L3MBTL4: variants seen among roughly 807,000 people sequenced by gnomAD.
L3MBTL4 encodes lethal(3)malignant brain tumor-like protein 4.
A neutral mutation model predicts 84.5 loss-of-function variants in L3MBTL4; 70 were observed. That is an observed-to-expected ratio of 0.83 (90% confidence interval 0.68 to 1.01). The LOEUF (loss-of-function observed/expected upper bound fraction) is 1.01, where lower values mean the gene tolerates loss of function less well. L3MBTL4 is among the 50% of genes least tolerant of loss of function. L3MBTL4 has a pLI of 0.00. For missense variants in L3MBTL4, 715 were observed against 754.8 expected, an observed-to-expected ratio of 0.95 and a Z score of 0.62; for synonymous variants, 274 against 259.8, an observed-to-expected ratio of 1.05 and a Z score of -0.52.
chr18:6,164,262 C>A (rs768657373), intron 13 of L3MBTL4, among the ~76,000 whole-genome samples: 3 of 152,220 alleles, frequency 2.0e-5, no homozygotes, highest in Non-Finnish European at 2.9e-5. Context: ...GGGCAGGGCA[C>A]AGACAAACAA....
chr18:6,102,050 T>G (rs558283135), intron 14 of L3MBTL4, among the ~76,000 whole-genome samples: 35 of 152,324 alleles, frequency 2.3e-4, no homozygotes, highest in Non-Finnish European at 2.1e-4. Context: ...CTCCCAACTT[T>G]TATTATAGTT....
At chr18:5,958,406 T>A (rs2095245467) in intron 18 of L3MBTL4, among the ~76,000 whole-genome samples, 1 of 152,168 alleles carries the variant, frequency 6.6e-6, no homozygotes, top group Non-Finnish European at 1.5e-5. Flanking sequence ...TGAGCCTACA[T>A]CCATACCCTG....
chr18:6,347,623 T>A (rs565901424), intron 1 of L3MBTL4, among the ~76,000 whole-genome samples: 2 of 151,614 alleles, frequency 1.3e-5, no homozygotes, highest in African/African-American at 4.8e-5. Context: ...TCATAACTTT[T>A]TAAAAAAAAA....
At chr18:6,033,657 T>C (rs2055956506) in intron 16 of L3MBTL4, among the ~76,000 whole-genome samples, 2 of 152,228 alleles carry the variant, frequency 1.3e-5, no homozygotes, top group Admixed American at 1.3e-4. Flanking sequence ...TAACGTTTAG[T>C]TGAGTTTTTG....
chr18:5,968,513 C>T (rs908554170), intron 17 of L3MBTL4, among the ~76,000 whole-genome samples: 2 of 151,824 alleles, frequency 1.3e-5, no homozygotes, highest in African/African-American at 4.8e-5. Context: ...GCATGGGCAA[C>T]ATAATGAGAC....
intron 5 of L3MBTL4, among the ~76,000 whole-genome samples, chr18:6,261,695 T>C (rs940934281): frequency 5.3e-5 from 8 of 152,184 alleles, no homozygotes; most frequent in Non-Finnish European, 1.0e-4. Context: ...TCTTTTGGTC[T>C]TTTTTTAGTT....
chr18:6,094,955 T>C (rs1016630562), intron 14 of L3MBTL4, among the ~76,000 whole-genome samples: 1 of 152,300 alleles, frequency 6.6e-6, no homozygotes, highest in South Asian at 2.1e-4. Flanking sequence ...ATAATCAGTA[T>C]TGATCTATTG....
chr18:5,960,049 T>TATACCTAC (rs2095255575), intron 18 of L3MBTL4, 45 bp downstream of exon 18: 1 of 328,068 alleles, frequency 3.0e-6, no homozygotes. Flanking sequence ...CACACACATA[T>TATACCTAC]ATATATATAT....
At chr18:6,048,674 A>G (rs1382890965) in intron 16 of L3MBTL4, among the ~76,000 whole-genome samples, 4 of 151,954 alleles carry the variant, frequency 2.6e-5, no homozygotes, top group Admixed American at 2.6e-4. Context: ...CTATAATTCC[A>G]GCTACTAGGG....
Position 6,124,978 on chromosome 18 carries a change from T to C in L3MBTL4, c.1199+13216A>G, listed in dbSNP as rs2059641977. ...GAATTAGGAAAAGAAAAGATAAATA[T>C]TTAGCATTGCCTCTTTCCCAAAAGA... On this transcript the variant is annotated intron_variant, in intron 14 of 18. Coordinates refer to ENST00000317931, the MANE Select transcript of L3MBTL4 (RefSeq NM_001330559.2). Among the ~76,000 whole-genome samples the C allele has an allele frequency of 2.6e-5, 4 of 152,216 alleles. No individual in the cohort carries two copies. The South Asian group carries it at 8.3e-4, about 32-fold the overall frequency.
intron 1 of L3MBTL4, chr18:6,399,845 G>C (rs78888904): frequency 2.0e-5 from 3 of 151,980 alleles, no homozygotes; most frequent in Non-Finnish European, 2.9e-5. Context: ...CTGAGTTTTT[G>C]ATTACCTGAA....
intron 12 of L3MBTL4, among the ~76,000 whole-genome samples, chr18:6,209,400 T>A (rs2046004578): frequency 6.8e-6 from 1 of 146,394 alleles, no homozygotes; most frequent in South Asian, 2.2e-4. Context: ...ATAATGATAA[T>A]CCTGATTTCT....
At chr18:6,232,775 A>G (rs961393586) in intron 10 of L3MBTL4, among the ~76,000 whole-genome samples, 1 of 152,066 alleles carries the variant, frequency 6.6e-6, no homozygotes, top group East Asian at 1.9e-4. Flanking sequence ...TTTATGGAGG[A>G]TACTCTGAAA....
intron 10 of L3MBTL4, among the ~76,000 whole-genome samples, chr18:6,231,847 T>A (rs915482513): frequency 1.3e-5 from 2 of 152,104 alleles, no homozygotes; most frequent in African/African-American, 4.8e-5. Flanking sequence ...TTCTAACAGA[T>A]ATGATTTTAC....
At chr18:6,172,054 A>C (rs879597923) in intron 12 of L3MBTL4, 112 bp from the exon 13 acceptor site, 8 of 553,130 alleles carry the variant, frequency 1.4e-5, no homozygotes, top group Non-Finnish European at 2.6e-5. Context: ...TTTATTGATC[A>C]CACCTTGCAG....
intron 1 of L3MBTL4, among the ~76,000 whole-genome samples, chr18:6,349,517 C>A (rs967610229): frequency 6.6e-6 from 1 of 152,042 alleles, no homozygotes; most frequent in East Asian, 1.9e-4. Flanking sequence ...TCGCTTGAGG[C>A]CAGATCGAGA....
At chr18:6,219,867 G>T (rs1384507432) in intron 10 of L3MBTL4, among the ~76,000 whole-genome samples, 2 of 151,930 alleles carry the variant, frequency 1.3e-5, no homozygotes, top group Non-Finnish European at 2.9e-5. Context: ...GCAGGGAAGT[G>T]GTGGCCTCGA....
chr18:6,161,932 AAT>A (rs59634971), intron 13 of L3MBTL4, among the ~76,000 whole-genome samples: 5 of 149,586 alleles, frequency 3.3e-5, no homozygotes, highest in Admixed American at 6.7e-5. Context: ...TTATATATAA[AAT>A]ATATATATAT....
intron 16 of L3MBTL4, among the ~76,000 whole-genome samples, chr18:6,021,630 G>A (rs2055268372): frequency 6.6e-6 from 1 of 152,170 alleles, no homozygotes; most frequent in Non-Finnish European, 1.5e-5. Flanking sequence ...GACTATTCGT[G>A]AGGAGTGCGC....
Sources: allele counts gnomAD v4.1 joint callset (sites outside exome capture counted in the v4.1 genomes callset), GRCh38; gene constraint gnomAD v4.1.1; transcripts MANE v1.5; gene names NCBI Gene and HGNC (gene_info 2026-07-23, HGNC 2026-07-21).